SHQ1: variants seen among roughly 807,000 people sequenced by gnomAD.
SHQ1 encodes the protein protein SHQ1 homolog.
SHQ1 carries 49 observed loss-of-function variants against 53.8 expected under a neutral mutation model. That is an observed-to-expected ratio of 0.91 (90% confidence interval 0.72 to 1.16). The LOEUF (loss-of-function observed/expected upper bound fraction) is 1.16, where lower values mean the gene tolerates loss of function less well. Ranked by LOEUF, SHQ1 falls within the 50% of genes most tolerant of loss-of-function variation. The pLI is 0.00. For synonymous variants in SHQ1, 243 were observed against 251.0 expected, an observed-to-expected ratio of 0.97 and a Z score of 0.30; for missense variants, 738 against 683.1, an observed-to-expected ratio of 1.08 and a Z score of -0.90.
rs78864416 is a variant in SHQ1, at chr3:72,832,463, T to C, written c.505A>G (p.Ile169Val). 1.3e-3 allele frequency: 2,038 copies of C among 1,611,380 alleles called. 26 individuals are homozygous for C. The African/African-American group carries it at 0.023, about 18-fold the overall frequency. The change falls in exon 5 of 11, where the codon ATT (isoleucine) becomes GTT (valine). Residue 169 changes from isoleucine (I) to valine (V), a missense_variant. Ile to Val is a conservative substitution (Grantham distance 29). Coordinates refer to ENST00000325599, the MANE Select transcript of SHQ1 (RefSeq NM_018130.3). The stretch of plus-strand genomic sequence containing the variant: ...GTGAAATCTGGATCCTTAATATCAA[T>C]AACATCACTCAGTTCATCCTGAGGA... ...QRLQDELSDVIDIKDPDFTPA... is the reference protein window; with the variant it reads ...QRLQDELSDVVDIKDPDFTPA...
Position 72,848,328 on chromosome 3 carries a change from C to G in SHQ1, c.13G>C (p.Ala5Pro). 6.2e-7 allele frequency: 1 copy of G among 1,614,054 alleles called. No individual in the cohort carries two copies. Among genetic ancestry groups the G allele is most frequent in the Non-Finnish European group, 8.5e-7 (1 of 1,179,988 alleles). ...TCCGGATCCTGGCTGAGGTCGAACG[C>G]CGGGGTCAGCATCGCCGCACCGGAC... MLTP[A>P]FDLSQDPDFL... Residue 5 changes from alanine to proline, a missense_variant, in exon 1 of 11, where the codon GCG becomes CCG. Coordinates refer to ENST00000325599, the MANE Select transcript of SHQ1 (RefSeq NM_018130.3).
intron 10 of SHQ1, among the ~76,000 whole-genome samples, chr3:72,775,437 T>A (rs191484987): frequency 1.4e-3 from 196 of 138,146 alleles, no homozygotes; most frequent in Non-Finnish European, 2.4e-3. Context: ...AATTTTCCCA[T>A]AAAGAAAGAA....
rs530287839 is a variant in SHQ1, at chr3:72,820,463, T to A, written c.728-3079A>T. On this transcript the variant is annotated intron_variant, in intron 6 of 10. Coordinates refer to ENST00000325599, the MANE Select transcript of SHQ1 (RefSeq NM_018130.3). Reference sequence around the variant, plus strand: ...ATTCAAGCAAAGAAATCAGAGATGATAAATAACAATAACAACAAACCAGGA... The same window carrying A: ...ATTCAAGCAAAGAAATCAGAGATGAAAAATAACAATAACAACAAACCAGGA... Among the ~76,000 whole-genome samples the A allele has an allele frequency of 4.6e-5, 7 of 152,264 alleles. No individual in the cohort carries two copies. In the South Asian group the frequency reaches 1.5e-3, roughly 32 times the overall value.
the SHQ1 span, among the ~76,000 whole-genome samples, chr3:72,742,853 C>T: frequency 1.9e-3 from 290 of 152,266 alleles, 2 homozygotes; most frequent in African/African-American, 6.6e-3. Context: ...TCTCGAACTG[C>T]TGAGCTCAGT....
At chr3:72,767,466 G>C (rs796487668) in intron 10 of SHQ1, among the ~76,000 whole-genome samples, 8 of 152,340 alleles carry the variant, frequency 5.3e-5, no homozygotes, top group African/African-American at 1.7e-4. Context: ...ACTGGGCCCA[G>C]TCCTTGACAA....
intron 4 of SHQ1, among the ~76,000 whole-genome samples, chr3:72,833,499 TAGACAGACA>T (rs1707896504): frequency 4.5e-4 from 17 of 37,386 alleles, no homozygotes; most frequent in Non-Finnish European, 7.9e-4. Context: ...GATAGATAGA[TAGACAGACA>T]GACAGACAGA....
the SHQ1 span, among the ~76,000 whole-genome samples, chr3:72,730,287 T>TTG: frequency 6.6e-6 from 1 of 152,080 alleles, no homozygotes; most frequent in Non-Finnish European, 1.5e-5. Context: ...GGATAATTTT[T>TTG]TATTTTGTGT....
At chr3:72,812,882 T>G (rs1707171056) in intron 8 of SHQ1, 88 bp from the exon 9 acceptor site, 1 of 1,493,962 alleles carries the variant, frequency 6.7e-7, no homozygotes, top group East Asian at 2.3e-5. Flanking sequence ...TTTTCTCATT[T>G]AAAAGCTGCA....
chr3:72,840,094 A>G (rs1708122528), intron 4 of SHQ1, among the ~76,000 whole-genome samples: 1 of 151,842 alleles, frequency 6.6e-6, no homozygotes, highest in Non-Finnish European at 1.5e-5. Flanking sequence ...TCTACTAAAA[A>G]TAGAAAAATT....
chr3:72,790,950 AC>A (rs1229244169), intron 10 of SHQ1, among the ~76,000 whole-genome samples: 3 of 152,202 alleles, frequency 2.0e-5, no homozygotes, highest in African/African-American at 7.2e-5. Context: ...ATTACAAAGA[AC>A]CTAAGAATTT....
At chr3:72,795,715 T>C (rs180756253) in intron 9 of SHQ1, 3 of 152,308 alleles carry the variant, frequency 2.0e-5, no homozygotes, top group Admixed American at 2.0e-4. Context: ...CGAACTATTC[T>C]CTTGTAACTT....
At chr3:72,773,225 C>T in intron 10 of SHQ1, 2 of 704,184 alleles carry the variant, frequency 2.8e-6, no homozygotes, top group Non-Finnish European at 5.4e-6. Context: ...TAAACATCTT[C>T]AACGAGAGAA....
At chr3:72,788,284 C>A (rs1360744101) in intron 10 of SHQ1, among the ~76,000 whole-genome samples, 2 of 151,714 alleles carry the variant, frequency 1.3e-5, no homozygotes, top group African/African-American at 2.4e-5. Context: ...CTCTGCCCAG[C>A]CGCCCAGTCT....
intron 5 of SHQ1, among the ~76,000 whole-genome samples, chr3:72,831,333 C>T (rs1026613517): frequency 5.9e-5 from 9 of 152,132 alleles, no homozygotes; most frequent in Non-Finnish European, 1.3e-4. Flanking sequence ...ATGTTAATCA[C>T]GAGAGCTACA....
chr3:72,802,023 G>A (rs926438623), intron 9 of SHQ1, among the ~76,000 whole-genome samples: 2 of 152,150 alleles, frequency 1.3e-5, no homozygotes, highest in African/African-American at 2.4e-5. Flanking sequence ...CTTCTTAACC[G>A]TTCGGTACTT....
At chr3:72,730,069 C>T in the SHQ1 span, among the ~76,000 whole-genome samples, 3 of 152,046 alleles carry the variant, frequency 2.0e-5, no homozygotes, top group Non-Finnish European at 2.9e-5. Context: ...CCGCCTGCCT[C>T]GGCTTCCCAA....
At chr3:72,775,409 T>C (rs764229985) in intron 10 of SHQ1, among the ~76,000 whole-genome samples, 7 of 148,202 alleles carry the variant, frequency 4.7e-5, no homozygotes, top group Admixed American at 1.4e-4. Flanking sequence ...AATTAGAAAA[T>C]CTGAATAAAT....
chr3:72,780,181 T>C (rs1706042889), intron 10 of SHQ1, among the ~76,000 whole-genome samples: 1 of 152,214 alleles, frequency 6.6e-6, no homozygotes, highest in Non-Finnish European at 1.5e-5. Context: ...CAATAAAGCT[T>C]CTGAAACATA....
chr3:72,812,406 A>G (rs1485615818), intron 9 of SHQ1, among the ~76,000 whole-genome samples: 2 of 152,204 alleles, frequency 1.3e-5, no homozygotes, highest in Admixed American at 6.5e-5. Context: ...CAGCTATTAT[A>G]ATGTAAAACG....
Sources: allele counts gnomAD v4.1 joint callset (sites outside exome capture counted in the v4.1 genomes callset), GRCh38; gene constraint gnomAD v4.1.1; transcripts MANE v1.5; gene names NCBI Gene and HGNC (gene_info 2026-07-23, HGNC 2026-07-21).